Variants in ACTR3C observed in about 807,000 individuals in gnomAD.
The protein encoded by ACTR3C is actin-related protein 3C.
A neutral mutation model predicts 26.3 loss-of-function variants in ACTR3C; 18 were observed. The ratio of observed to expected loss-of-function variants is 0.68; its 90% CI spans 0.47 to 1.01. The LOEUF (loss-of-function observed/expected upper bound fraction) is 1.01. Ranked by LOEUF, ACTR3C falls within the 50% of genes least tolerant of loss-of-function variation. ACTR3C has a pLI of 0.00. For missense variants in ACTR3C, 184 were observed against 250.7 expected, an observed-to-expected ratio of 0.73 and a Z score of 1.80; for synonymous variants, 55 against 94.5, an observed-to-expected ratio of 0.58 and a Z score of 2.42.
At chr7:150,205,520 G>A in the ACTR3C span, among the ~76,000 whole-genome samples, 9 of 152,106 alleles carry the variant, frequency 5.9e-5, no homozygotes, top group South Asian at 1.0e-3. Context: ...GCCACAAAAC[G>A]CCCAAATCCA....
the ACTR3C span, among the ~76,000 whole-genome samples, chr7:150,037,575 G>A: frequency 1.6e-5 from 1 of 61,506 alleles, no homozygotes; most frequent in Non-Finnish European, 3.6e-5. Flanking sequence ...CTAAGAACCC[G>A]GGGGGGAAGA....
At chr7:150,210,766 G>GCA in the ACTR3C span, among the ~76,000 whole-genome samples, 2 of 149,402 alleles carry the variant, frequency 1.3e-5, no homozygotes, top group Non-Finnish European at 2.9e-5. Context: ...TCACAAGGGA[G>GCA]CATGAGGCAC....
the ACTR3C span, among the ~76,000 whole-genome samples, chr7:149,943,424 C>T: frequency 3.6e-4 from 54 of 151,458 alleles, no homozygotes; most frequent in Middle Eastern, 6.8e-3. Flanking sequence ...TTAACAAGTG[C>T]CTTTTATCTA....
At chr7:150,187,379 A>G in the ACTR3C span, among the ~76,000 whole-genome samples, 1 of 152,132 alleles carries the variant, frequency 6.6e-6, no homozygotes, top group African/African-American at 2.4e-5. Flanking sequence ...ATTCATACAT[A>G]TCATTCATGT....
the ACTR3C span, chr7:149,892,328 G>A: frequency 6.2e-7 from 1 of 1,604,672 alleles, no homozygotes; most frequent in South Asian, 1.1e-5. Flanking sequence ...AAAAGTCAAG[G>A]TCATCAACTC....
chr7:150,158,166 T>G, the ACTR3C span, among the ~76,000 whole-genome samples: 5 of 152,320 alleles, frequency 3.3e-5, no homozygotes, highest in Admixed American at 1.3e-4. Context: ...GTTAGGATGT[T>G]TATTATTAAA....
the ACTR3C span, among the ~76,000 whole-genome samples, chr7:150,126,287 T>G: frequency 6.6e-6 from 1 of 152,294 alleles, no homozygotes; most frequent in South Asian, 2.1e-4. Flanking sequence ...TTCCCCTCTT[T>G]CTCTTGCACA....
At chr7:150,039,184 C>CT in the ACTR3C span, among the ~76,000 whole-genome samples, 1 of 146,480 alleles carries the variant, frequency 6.8e-6, no homozygotes, top group African/African-American at 2.6e-5. Flanking sequence ...CAGTCCCCGC[C>CT]TCGCGGGGGG....
chr7:150,170,392 T>G, the ACTR3C span, among the ~76,000 whole-genome samples: 3 of 150,398 alleles, frequency 2.0e-5, no homozygotes, highest in Non-Finnish European at 1.5e-5. Flanking sequence ...CACACTCAGG[T>G]TGAGGAAACA....
chr7:150,197,912 C>T, the ACTR3C span, among the ~76,000 whole-genome samples: 1 of 150,072 alleles, frequency 6.7e-6, no homozygotes. Context: ...GGAGCCGAAG[C>T]TGGACTGTAC....
At chr7:150,225,298 C>G in the ACTR3C span, among the ~76,000 whole-genome samples, 1 of 152,160 alleles carries the variant, frequency 6.6e-6, no homozygotes, top group South Asian at 2.1e-4. Flanking sequence ...AGGTCATACA[C>G]AAATATCTAT....
chr7:150,004,671 C>A, the ACTR3C span: 2 of 152,220 alleles, frequency 1.3e-5, no homozygotes, highest in Non-Finnish European at 2.9e-5. Context: ...CTATCCCCAG[C>A]AGGACACACT....
the ACTR3C span, among the ~76,000 whole-genome samples, chr7:150,081,698 TTTCCCCTACAAACTTGCACTAAGGGCTG>T: frequency 2.0e-5 from 3 of 151,504 alleles, no homozygotes; most frequent in East Asian, 5.8e-4. Context: ...TTTTTCCATA[TTTCCCCTACAAACTTGCACTAAGGGCTG>T]TACTTAAAAC....
the ACTR3C span, among the ~76,000 whole-genome samples, chr7:150,112,961 C>T: frequency 6.6e-6 from 1 of 152,144 alleles, no homozygotes; most frequent in African/African-American, 2.4e-5. Context: ...GTTTCCCAGA[C>T]GAAGGCCCCT....
the ACTR3C span, among the ~76,000 whole-genome samples, chr7:150,139,972 GCA>G: frequency 5.9e-5 from 9 of 151,552 alleles, no homozygotes; most frequent in South Asian, 2.1e-4. Context: ...ACACAAATAT[GCA>G]CACACACACA....
chr7:149,970,501 G>T, the ACTR3C span, among the ~76,000 whole-genome samples: 1 of 152,152 alleles, frequency 6.6e-6, no homozygotes, highest in South Asian at 2.1e-4. Context: ...GCACGTCCAG[G>T]TTTCCCTGTC....
chr7:150,305,692 G>C (rs1377798757), intron 1 of ACTR3C, among the ~76,000 whole-genome samples: 1 of 152,180 alleles, frequency 6.6e-6, no homozygotes, highest in Non-Finnish European at 1.5e-5. Context: ...TGTGTTCTGA[G>C]CTCTGGGTAA....
the ACTR3C span, among the ~76,000 whole-genome samples, chr7:149,963,017 A>G: frequency 2.0e-5 from 3 of 152,218 alleles, no homozygotes; most frequent in African/African-American, 7.2e-5. Context: ...GTGTCCCATC[A>G]TGTTGGCAGG....
chr7:150,318,243 G>A (rs1345374744), intron 1 of ACTR3C, among the ~76,000 whole-genome samples: 2 of 152,114 alleles, frequency 1.3e-5, no homozygotes, highest in African/African-American at 4.8e-5. Flanking sequence ...TTATGGAGTG[G>A]TCTGATCTCT....
Sources: gnomAD v4.1 joint callset for allele counts (sites outside exome capture counted in the v4.1 genomes callset) on GRCh38, gnomAD v4.1.1 for gene constraint, MANE v1.5 for transcripts, NCBI Gene and HGNC (gene_info 2026-07-23, HGNC 2026-07-21) for gene names.